Variants in AP4S1 observed in about 807,000 individuals in gnomAD.
AP4S1 encodes the protein AP-4 complex subunit sigma-1.
A neutral mutation model predicts 19.8 loss-of-function variants in AP4S1; 23 were observed. The ratio of observed to expected loss-of-function variants is 1.16; its 90% confidence interval spans 0.84 to 1.65. The LOEUF (loss-of-function observed/expected upper bound fraction) is 1.65, where lower values mean the gene tolerates loss of function less well. Ranked by LOEUF, AP4S1 falls within the 40% of genes most tolerant of loss-of-function variation. The pLI is 0.00. For missense variants in AP4S1, 166 were observed against 172.8 expected, an observed-to-expected ratio of 0.96 and a Z score of 0.22; for synonymous variants, 46 against 54.1, an observed-to-expected ratio of 0.85 and a Z score of 0.66.
intron 1 of AP4S1, among the ~76,000 whole-genome samples, chr14:31,049,480 C>T (rs1210159361): frequency 2.2e-4 from 29 of 131,748 alleles, no homozygotes; most frequent in African/African-American, 7.0e-4. Flanking sequence ...TATGTACACA[C>T]ACACACACAC....
chr14:31,095,971 A>G lies in AP4S1; in HGVS notation c.*2936A>G, dbSNP rs1396969458. ...ATGGTGGCACGCGCCTATAATCCCAACTACTTGGGAGGCTGTGGTAGGAGG... is the reference window on the plus strand; with the variant it reads ...ATGGTGGCACGCGCCTATAATCCCAGCTACTTGGGAGGCTGTGGTAGGAGG... On this transcript the variant is annotated 3_prime_UTR_variant, in exon 6 of 6. Coordinates refer to ENST00000542754, the MANE Select transcript of AP4S1 (RefSeq NM_001128126.3). The G allele has an allele frequency of 2.6e-5, 4 of 151,792 alleles. No individual in the cohort carries two copies. The highest frequency in any genetic ancestry group is 5.9e-5 in the Non-Finnish European group (4 of 67,996). The allele number at this position is 151,792 out of a possible 1,614,324, so 9.4% of individuals were successfully genotyped here. A position where few individuals can be genotyped will look rare whatever the true frequency, so the allele number is the denominator to read the frequency against.
rs1038279902 is a variant in AP4S1 at position 31,025,725 on chromosome 14, G to C, written c.-134G>C. ...AAGGTTGGGGAGCAAGCTTATGCGG[G>C]AAAGAGGGAGGGGGACTCCAGGAAA... On this transcript the variant is annotated 5_prime_UTR_variant, in exon 1 of 6. Transcript: ENST00000542754. 5.2e-5 allele frequency: 45 copies of C among 862,090 alleles called. No individual in the cohort carries two copies. The highest frequency in any genetic ancestry group is 5.3e-5 in the African/African-American group (3 of 57,044). The allele number at this position is 862,090 out of a possible 1,614,324, so 53.4% of individuals were successfully genotyped here.
intron 1 of AP4S1, among the ~76,000 whole-genome samples, chr14:31,038,117 G>A (rs1320572901): frequency 1.3e-5 from 2 of 152,184 alleles, no homozygotes; most frequent in African/African-American, 4.8e-5. Context: ...AATGAGGATG[G>A]TACCAAGTTC....
chr14:31,056,289 A>T (rs1886111013), intron 1 of AP4S1, among the ~76,000 whole-genome samples: 1 of 152,026 alleles, frequency 6.6e-6, no homozygotes, highest in South Asian at 2.1e-4. Flanking sequence ...CTTGGGCTCA[A>T]CCAATCTTCC....
chr14:31,056,775 C>T (rs1886143854), intron 1 of AP4S1, among the ~76,000 whole-genome samples: 1 of 152,192 alleles, frequency 6.6e-6, no homozygotes, highest in African/African-American at 2.4e-5. Context: ...AGTTAATGCT[C>T]ATTAAGCTCA....
rs576076187 is a variant in AP4S1 at position 31,073,439 on chromosome 14, G to A, written c.294+466G>A. ...CGGGAGGCGGAGCTTGCAGTGAGCC[G>A]AGATCCCGCCACTGCACTCCAGCCT... On this transcript the variant is annotated intron_variant, in intron 4 of 5. Coordinates refer to ENST00000542754, the MANE Select transcript of AP4S1 (RefSeq NM_001128126.3). Among the ~76,000 whole-genome samples, 734 of 140,052 alleles carry A rather than the reference G, an allele frequency of 5.2e-3. 15 individuals are homozygous for A. The East Asian group carries it at 0.075, about 14-fold the overall frequency. 91.9% of individuals were successfully genotyped at this position (140,052 alleles called of 152,430 possible). A position where few individuals can be genotyped will look rare whatever the true frequency, so the allele number is the denominator to read the frequency against.
At chr14:31,057,001 G>C (rs1261122312) in intron 1 of AP4S1, among the ~76,000 whole-genome samples, 1 of 152,128 alleles carries the variant, frequency 6.6e-6, no homozygotes, top group Non-Finnish European at 1.5e-5. Flanking sequence ...TTGAGCCTGG[G>C]AGGTCAAAGT....
intron 5 of AP4S1, 59 bp from the exon 6 acceptor site, chr14:31,092,848 A>T: frequency 7.4e-7 from 1 of 1,355,106 alleles, no homozygotes; most frequent in Non-Finnish European, 1.0e-6. Context: ...TAAGCCATAA[A>T]TTTTTACTGA....
chr14:31,057,929 G>GT (rs1477499149), intron 1 of AP4S1, among the ~76,000 whole-genome samples: 4 of 148,986 alleles, frequency 2.7e-5, no homozygotes, highest in African/African-American at 5.0e-5. Flanking sequence ...CACCCAGCCA[G>GT]TTGTTTTTTT....
chr14:31,042,644 C>A (rs946931572), intron 1 of AP4S1, among the ~76,000 whole-genome samples: 1 of 152,156 alleles, frequency 6.6e-6, no homozygotes, highest in Admixed American at 6.6e-5. Context: ...TTCTCGCCAG[C>A]CTGGATCATA....
chr14:31,076,297 A>T (rs568042405), intron 4 of AP4S1, among the ~76,000 whole-genome samples: 84 of 152,292 alleles, frequency 5.5e-4, no homozygotes, highest in African/African-American at 1.1e-3. Flanking sequence ...CAATTTCTCC[A>T]CATCCTCACC....
intron 4 of AP4S1, among the ~76,000 whole-genome samples, chr14:31,078,199 T>G (rs1057155082): frequency 1.3e-5 from 2 of 152,196 alleles, no homozygotes; most frequent in East Asian, 3.8e-4. Flanking sequence ...ACATGGAGAC[T>G]GGCTTTAAAA....
chr14:31,048,799 G>A (rs28534387), intron 1 of AP4S1, among the ~76,000 whole-genome samples: 145,090 of 152,272 alleles, frequency 0.95, 69,374 homozygotes, highest in Non-Finnish European at 0.99. Context: ...TGGTTCTTCC[G>A]TATCTGCTGA....
chr14:31,075,221 A>G (rs2139079591), intron 4 of AP4S1, among the ~76,000 whole-genome samples: 1 of 152,118 alleles, frequency 6.6e-6, no homozygotes, highest in East Asian at 1.9e-4. Context: ...CCACCAATTT[A>G]CTGTCTATCT....
At chr14:31,079,815 C>T (rs986350228) in intron 4 of AP4S1, among the ~76,000 whole-genome samples, 3 of 152,002 alleles carry the variant, frequency 2.0e-5, no homozygotes, top group Admixed American at 6.6e-5. Context: ...GACAGACTGA[C>T]TCCAAATAAA....
At chr14:31,076,175 C>T (rs1887350455) in intron 4 of AP4S1, among the ~76,000 whole-genome samples, 2 of 152,196 alleles carry the variant, frequency 1.3e-5, no homozygotes, top group Admixed American at 6.5e-5. Context: ...TTCTCTTGGA[C>T]TACCTAGGAG....
At chr14:31,029,849 CA>C (rs926669591) in intron 1 of AP4S1, among the ~76,000 whole-genome samples, 469 of 137,984 alleles carry the variant, frequency 3.4e-3, no homozygotes, top group African/African-American at 7.6e-3. Context: ...CCTTCCCCCA[CA>C]AAAAAAAAAA....
chr14:31,081,774 A>G (rs1446926742), intron 5 of AP4S1, among the ~76,000 whole-genome samples: 3 of 151,850 alleles, frequency 2.0e-5, no homozygotes, highest in Admixed American at 2.0e-4. Context: ...ACAAACACAC[A>G]GGCATTTTTC....
At chr14:31,042,232 TTG>T (rs1187863353) in intron 1 of AP4S1, among the ~76,000 whole-genome samples, 2 of 152,226 alleles carry the variant, frequency 1.3e-5, no homozygotes, top group Middle Eastern at 3.2e-3. Flanking sequence ...AAAGATATTG[TTG>T]TCTTCATTAT....
Sources: allele counts gnomAD v4.1 joint callset (sites outside exome capture counted in the v4.1 genomes callset), GRCh38; gene constraint gnomAD v4.1.1; transcripts MANE v1.5; gene names NCBI Gene and HGNC (gene_info 2026-07-23, HGNC 2026-07-21).